Variants in LARP4B observed in about 807,000 individuals in gnomAD.
LARP4B encodes la-related protein 4B.
Under a neutral mutation model 89.8 loss-of-function variants are expected in LARP4B, and 12 were observed. That is an observed-to-expected ratio of 0.13 (90% CI 0.09 to 0.22). LARP4B has a LOEUF of 0.22. Ranked by LOEUF, LARP4B falls within the 10% of genes least tolerant of loss-of-function variation. The probability of loss-of-function intolerance (pLI) is 1.00; values close to 1 mark genes in which losing one functional copy is unlikely to be tolerated. For synonymous variants in LARP4B, 367 were observed against 363.3 expected (o/e 1.01, Z -0.12); for missense variants, 757 against 947.7 (o/e 0.80, Z 2.64).
In LARP4B at chr10:918,836, G is replaced by A. The variant is rs551522645; in HGVS notation, c.-40+12592C>T. Among the ~76,000 whole-genome samples the A allele has an allele frequency of 5.3e-5, 8 of 152,214 alleles. No individual in the cohort carries two copies. In the East Asian group the frequency reaches 1.5e-3, roughly 29 times the overall value. The stretch of plus-strand genomic sequence containing the variant: ...TCACGCCTGTAATCCCAGCACTTTG[G>A]GAGGCCGAGGTGGGTGGATCACGAG... On this transcript the variant is annotated intron_variant, in intron 1 of 17. Transcript: ENST00000316157.
chr10:849,062 A>T (rs1833916306), intron 5 of LARP4B, among the ~76,000 whole-genome samples: 1 of 152,196 alleles, frequency 6.6e-6, no homozygotes, highest in Admixed American at 6.6e-5. Flanking sequence ...GTGAAGCAGC[A>T]CGCAGCCACC....
chr10:895,390 G>GA (rs968802423), intron 1 of LARP4B, among the ~76,000 whole-genome samples: 2,701 of 145,108 alleles, frequency 0.019, 43 homozygotes, highest in Non-Finnish European at 0.03. Flanking sequence ...CAGCAGCTTA[G>GA]AAAAAAAAAA....
chr10:859,143 G>T (rs1477706839), intron 5 of LARP4B, among the ~76,000 whole-genome samples: 1 of 152,128 alleles, frequency 6.6e-6, no homozygotes, highest in Non-Finnish European at 1.5e-5. Context: ...GCTGGGCGTG[G>T]TGGCTCACAC....
chr10:981,848 G>A, the LARP4B span, among the ~76,000 whole-genome samples: 6 of 152,218 alleles, frequency 3.9e-5, no homozygotes, highest in South Asian at 6.2e-4. Flanking sequence ...TTACAGGCAT[G>A]AGCCACCGCA....
the LARP4B span, among the ~76,000 whole-genome samples, chr10:957,851 C>T: frequency 4.2e-5 from 6 of 141,690 alleles, no homozygotes; most frequent in African/African-American, 1.6e-4. Flanking sequence ...GGCTGGAGTG[C>T]AGTGGTGTGG....
At chr10:972,361 GA>G in the LARP4B span, 1 of 405,780 alleles carries the variant, frequency 2.5e-6, no homozygotes, top group Non-Finnish European at 4.8e-6. Context: ...TCCACCAGGG[GA>G]AGGCCCTCAC....
intron 1 of LARP4B, among the ~76,000 whole-genome samples, chr10:908,750 C>T (rs1024420258): frequency 2.0e-5 from 3 of 152,192 alleles, no homozygotes; most frequent in African/African-American, 7.2e-5. Context: ...GTCAAAAAAT[C>T]CTTTCCAAAA....
chr10:910,307 G>A (rs1037099431), intron 1 of LARP4B, among the ~76,000 whole-genome samples: 11 of 152,158 alleles, frequency 7.2e-5, no homozygotes, highest in African/African-American at 2.7e-4. Context: ...GCAATCCTCA[G>A]GCTTGGCCCA....
At chr10:850,144 T>G (rs188048672) in intron 5 of LARP4B, among the ~76,000 whole-genome samples, 56 of 152,338 alleles carry the variant, frequency 3.7e-4, no homozygotes, top group African/African-American at 1.2e-3. Context: ...TTCAATCATC[T>G]CAATTTTTCT....
At chr10:928,947 T>C (rs762792784) in intron 1 of LARP4B, among the ~76,000 whole-genome samples, 4 of 152,220 alleles carry the variant, frequency 2.6e-5, no homozygotes, top group Non-Finnish European at 5.9e-5. Flanking sequence ...TATATACTTG[T>C]CAAAACTTGT....
chr10:826,318 C>G (rs1403477276), intron 11 of LARP4B, among the ~76,000 whole-genome samples: 2 of 152,220 alleles, frequency 1.3e-5, no homozygotes, highest in African/African-American at 4.8e-5. Flanking sequence ...TTCATCCAAC[C>G]ACAGCCTGAC....
chr10:880,409 G>A (rs1246489758), intron 3 of LARP4B, among the ~76,000 whole-genome samples: 3 of 152,078 alleles, frequency 2.0e-5, no homozygotes, highest in African/African-American at 4.8e-5. Context: ...ATTCTGGGCC[G>A]GGTGCAGTGG....
chr10:837,896 A>G (rs1453539142), intron 7 of LARP4B, among the ~76,000 whole-genome samples: 1 of 152,218 alleles, frequency 6.6e-6, no homozygotes, highest in Non-Finnish European at 1.5e-5. Context: ...ATTGGACTAT[A>G]TAAAAAATGT....
chr10:835,406 G>A (rs529917474), intron 8 of LARP4B, among the ~76,000 whole-genome samples: 1 of 152,254 alleles, frequency 6.6e-6, no homozygotes, highest in South Asian at 2.1e-4. Flanking sequence ...CATGAACGAC[G>A]AGGCTGAAAT....
chr10:902,817 G>C (rs1183961980), intron 1 of LARP4B, among the ~76,000 whole-genome samples: 1 of 151,948 alleles, frequency 6.6e-6, no homozygotes, highest in Non-Finnish European at 1.5e-5. Context: ...GCTAGTTTTT[G>C]TATTTTTAGT....
At chr10:941,038 G>C in the LARP4B span, among the ~76,000 whole-genome samples, 1 of 152,176 alleles carries the variant, frequency 6.6e-6, no homozygotes, top group Non-Finnish European at 1.5e-5. Context: ...TGGACGAGGA[G>C]GTCAGGTTGT....
chr10:920,543 G>T (rs947740702), intron 1 of LARP4B, among the ~76,000 whole-genome samples: 2 of 152,206 alleles, frequency 1.3e-5, no homozygotes, highest in Admixed American at 6.5e-5. Context: ...GGAGGCCAAG[G>T]CAGGCAGATC....
the LARP4B span, chr10:988,146 CT>C: frequency 2.1e-5 from 6 of 279,672 alleles, no homozygotes; most frequent in African/African-American, 1.3e-4. Context: ...GGGCGCGTGG[CT>C]GGGGGCCTGA....
chr10:834,005 AGAG>A (rs1324815643), intron 8 of LARP4B, among the ~76,000 whole-genome samples: 4 of 152,200 alleles, frequency 2.6e-5, no homozygotes, highest in Non-Finnish European at 4.4e-5. Flanking sequence ...GTTGGTTAAA[AGAG>A]GATAGAAAAG....
Sources: allele counts gnomAD v4.1 joint callset (sites outside exome capture counted in the v4.1 genomes callset), GRCh38; gene constraint gnomAD v4.1.1; transcripts MANE v1.5; gene names NCBI Gene and HGNC (gene_info 2026-07-23, HGNC 2026-07-21).